Variants in CIMIP2A observed in about 807,000 individuals in gnomAD.
The protein encoded by CIMIP2A is family with sequence similarity 166 member A.
chr9:137,251,649 G>C, the CIMIP2A span: 3 of 1,474,936 alleles, frequency 2.0e-6, no homozygotes. Context: ...AGCAGCCGGG[G>C]GCTGAGGGAC....
the CIMIP2A span, chr9:137,252,881 C>A: frequency 4.4e-5 from 70 of 1,592,556 alleles, 1 homozygote; most frequent in South Asian, 7.2e-4. Context: ...CTACAATATC[C>A]TTCCTGGGAG....
At chr9:137,245,652 G>T in the CIMIP2A span, 18,272 of 1,607,512 alleles carry the variant, frequency 0.011, 147 homozygotes, top group Non-Finnish European at 0.012. Flanking sequence ...TGTAGTGGGG[G>T]ATGTAGGGCT....
At chr9:137,253,616 G>A in the CIMIP2A span, 1 of 814,880 alleles carries the variant, frequency 1.2e-6, no homozygotes. Context: ...CTCTTCTCTA[G>A]GGTGGCAGCC....
At chr9:137,251,877 C>G in the CIMIP2A span, 2 of 1,608,586 alleles carry the variant, frequency 1.2e-6, no homozygotes, top group South Asian at 1.1e-5. Flanking sequence ...CACCTACACC[C>G]AGACCCTGAG....
At chr9:137,244,639 T>TA in the CIMIP2A span, 1 of 1,613,592 alleles carries the variant, frequency 6.2e-7, no homozygotes, top group Non-Finnish European at 8.5e-7. Flanking sequence ...GGCGCTTTCC[T>TA]ACCTGGCTCT....
chr9:137,245,780 T>A, the CIMIP2A span: 1 of 1,544,764 alleles, frequency 6.5e-7, no homozygotes, highest in Non-Finnish European at 8.7e-7. Flanking sequence ...CTGGGGTCTG[T>A]GAGCAGCTGC....
the CIMIP2A span, among the ~76,000 whole-genome samples, chr9:137,253,653 G>A: frequency 6.6e-6 from 1 of 152,210 alleles, no homozygotes; most frequent in African/African-American, 2.4e-5. Flanking sequence ...CTCTAGCCTG[G>A]AGCGAGATGG....
chr9:137,244,846 C>G, the CIMIP2A span: 3 of 1,567,072 alleles, frequency 1.9e-6, no homozygotes, highest in Non-Finnish European at 2.6e-6. Context: ...CCCTTTCGTT[C>G]CCTGAACGTT....
chr9:137,243,726 A>G, the CIMIP2A span: 9 of 1,614,122 alleles, frequency 5.6e-6, no homozygotes, highest in South Asian at 9.9e-5. Flanking sequence ...CGCTTTGCCC[A>G]TTCCTTCCAG....
At chr9:137,243,679 G>A in the CIMIP2A span, 2 of 1,614,022 alleles carry the variant, frequency 1.2e-6, no homozygotes, top group Non-Finnish European at 1.7e-6. Flanking sequence ...ATGCTGTACA[G>A]ACACCACCAT....
the CIMIP2A span, chr9:137,251,641 C>T: frequency 9.1e-6 from 13 of 1,436,084 alleles, no homozygotes; most frequent in Non-Finnish European, 1.2e-5. Context: ...TGGCTGGGAG[C>T]AGCCGGGGGC....
the CIMIP2A span, among the ~76,000 whole-genome samples, chr9:137,249,126 G>A: frequency 2.0e-4 from 30 of 152,028 alleles, no homozygotes; most frequent in African/African-American, 7.0e-4. Context: ...AAAGTGCTGG[G>A]ATTACAGGCG....
At chr9:137,243,733 C>T in the CIMIP2A span, 1 of 1,614,154 alleles carries the variant, frequency 6.2e-7, no homozygotes, top group South Asian at 1.1e-5. Context: ...CCCATTCCTT[C>T]CAGTAGGCCC....
the CIMIP2A span, among the ~76,000 whole-genome samples, chr9:137,248,412 G>A: frequency 6.6e-6 from 1 of 151,890 alleles, no homozygotes. Context: ...GTGCGGTGGC[G>A]TGCGCCTGTA....
chr9:137,244,357 T>TGGGGGCCTGGCCG, the CIMIP2A span: 16 of 1,605,504 alleles, frequency 1.0e-5, no homozygotes, highest in African/African-American at 2.1e-4. Context: ...GTTGTCCCAG[T>TGGGGGCCTGGCCG]GGGGGCCTGG....
At chr9:137,245,453 G>C in the CIMIP2A span, 2 of 1,613,936 alleles carry the variant, frequency 1.2e-6, no homozygotes, top group Non-Finnish European at 1.7e-6. Context: ...CCTGCAGGCA[G>C]CAGAATCTGT....
the CIMIP2A span, among the ~76,000 whole-genome samples, chr9:137,248,778 G>A: frequency 6.6e-6 from 1 of 152,172 alleles, no homozygotes; most frequent in African/African-American, 2.4e-5. Context: ...TGAGGTGGGA[G>A]GATGGCCAGA....
the CIMIP2A span, among the ~76,000 whole-genome samples, chr9:137,246,549 G>A: frequency 6.6e-6 from 1 of 152,034 alleles, no homozygotes; most frequent in Admixed American, 6.5e-5. Context: ...GGATCACGAG[G>A]TCAGGAGATC....
At chr9:137,252,116 C>T in the CIMIP2A span, 15 of 1,611,456 alleles carry the variant, frequency 9.3e-6, no homozygotes, top group Non-Finnish European at 1.2e-5. Context: ...ACAGCATCGG[C>T]TGCAAGCACC....
Sources: gnomAD v4.1 joint callset for allele counts (sites outside exome capture counted in the v4.1 genomes callset) on GRCh38, gnomAD v4.1.1 for gene constraint, MANE v1.5 for transcripts, NCBI Gene and HGNC (gene_info 2026-07-23, HGNC 2026-07-21) for gene names.